The following CILK1 variants were observed in gnomAD, a reference collection of about 807,000 sequenced individuals.
CILK1 encodes the protein serine/threonine-protein kinase ICK.
In CILK1, 47 loss-of-function variants were observed where a neutral mutation model predicts 79.2. The ratio of observed to expected loss-of-function variants is 0.59; its 90% confidence interval spans 0.47 to 0.76. The LOEUF is 0.76. Among genes scored for constraint, CILK1 ranks in the 30% least tolerant of loss-of-function variants. CILK1 has a pLI of 0.00. For synonymous variants in CILK1, 266 were observed against 275.9 expected, an observed-to-expected ratio of 0.96 and a Z score of 0.36; for missense variants, 660 against 769.5, an observed-to-expected ratio of 0.86 and a Z score of 1.68.
rs1346816320 is a variant in CILK1, at chr6:53,002,591, G to C, written c.*2558C>G. 2.0e-5 allele frequency: 3 copies of C among 152,150 alleles called. No homozygotes were observed. The highest frequency in any genetic ancestry group is 4.4e-5 in the Non-Finnish European group (3 of 68,028). The allele number at this position is 152,150 out of a possible 1,614,324, so 9.4% of individuals were successfully genotyped here. On this transcript the variant is annotated 3_prime_UTR_variant, in exon 14 of 14. Coordinates refer to ENST00000676107, the MANE Select transcript of CILK1 (RefSeq NM_014920.5). Reference sequence around the variant, plus strand: ...GTGCATAGGTTTTTTTACACAATTTGTCCTTTACCCATTTCAGAGAAGGGG... The same window carrying C: ...GTGCATAGGTTTTTTTACACAATTTCTCCTTTACCCATTTCAGAGAAGGGG...
chr6:53,048,157 A>G (rs1298423654), intron 1 of CILK1, among the ~76,000 whole-genome samples: 2 of 152,160 alleles, frequency 1.3e-5, no homozygotes, highest in Non-Finnish European at 2.9e-5. Flanking sequence ...TAGTCCCATC[A>G]CATCCTTGGT....
At chr6:53,035,270 A>G (rs911966481) in intron 3 of CILK1, among the ~76,000 whole-genome samples, 6 of 152,184 alleles carry the variant, frequency 3.9e-5, no homozygotes, top group African/African-American at 1.4e-4. Flanking sequence ...TTTTTGGGTT[A>G]GAGAGAATGG....
At chr6:53,006,547 G>T in intron 12 of CILK1, 110 bp from the exon 13 acceptor site, 1 of 1,219,188 alleles carries the variant, frequency 8.2e-7, no homozygotes, top group Non-Finnish European at 1.2e-6. Context: ...TTTACTTTTA[G>T]GGAAAAGAGC....
intron 1 of CILK1, among the ~76,000 whole-genome samples, chr6:53,053,695 T>G (rs1767644585): frequency 6.6e-6 from 1 of 152,210 alleles, no homozygotes; most frequent in South Asian, 2.1e-4. Flanking sequence ...ACTTTGTATC[T>G]CAAAGCCCAA....
chr6:53,006,137 A>T (rs1225472160), intron 13 of CILK1, among the ~76,000 whole-genome samples, 178 bp downstream of exon 13: 1 of 152,182 alleles, frequency 6.6e-6, no homozygotes, highest in African/African-American at 2.4e-5. Flanking sequence ...CTTAGCACTA[A>T]GTCAGTAAGC....
chr6:53,030,152 G>T (rs1765840893), intron 5 of CILK1, among the ~76,000 whole-genome samples: 1 of 152,164 alleles, frequency 6.6e-6, no homozygotes. Flanking sequence ...TGTGGTCATC[G>T]TTCCTTTGGA....
At chr6:53,039,421 TG>T (rs1172703089) in intron 2 of CILK1, among the ~76,000 whole-genome samples, 9 of 152,176 alleles carry the variant, frequency 5.9e-5, no homozygotes, top group Non-Finnish European at 1.0e-4. Context: ...AAGCAGGGCC[TG>T]GGCAAGAACT....
intron 12 of CILK1, 102 bp downstream of exon 12, chr6:53,009,337 G>T: frequency 9.1e-7 from 1 of 1,100,342 alleles, no homozygotes; most frequent in South Asian, 1.2e-5. Context: ...GATGACAAAG[G>T]CCCCTGTGCT....
chr6:53,028,399 C>A (rs1765716647), intron 5 of CILK1, among the ~76,000 whole-genome samples: 1 of 152,202 alleles, frequency 6.6e-6, no homozygotes, highest in Admixed American at 6.5e-5. Context: ...TTTTTCTAAT[C>A]AAGCATGGCA....
chr6:53,001,356 T>C lies in CILK1; in HGVS notation c.*3793A>G, dbSNP rs986483234. 2 of 152,248 alleles carry C rather than the reference T, an allele frequency of 1.3e-5. No homozygotes were observed. The highest frequency in any genetic ancestry group is 2.9e-5 in the Non-Finnish European group (2 of 68,052). 9.4% of individuals were successfully genotyped at this position (152,248 alleles called of 1,614,324 possible). Reference sequence around the variant, plus strand: ...CCAGGAAATTTTTCCTTACATAAGGTTGACATGTTTTAAACACCTTAGGAC... The same window carrying C: ...CCAGGAAATTTTTCCTTACATAAGGCTGACATGTTTTAAACACCTTAGGAC... On this transcript the variant is annotated 3_prime_UTR_variant, in exon 14 of 14. Transcript: ENST00000676107.
At chr6:53,011,111 C>A (rs1764542972) in intron 11 of CILK1, among the ~76,000 whole-genome samples, 1 of 152,156 alleles carries the variant, frequency 6.6e-6, no homozygotes, top group South Asian at 2.1e-4. Context: ...TGACATTTAA[C>A]CCCCATAGTA....
At chr6:53,006,138 G>A (rs1426746152) in intron 13 of CILK1, among the ~76,000 whole-genome samples, 177 bp downstream of exon 13, 2 of 152,148 alleles carry the variant, frequency 1.3e-5, no homozygotes, top group Non-Finnish European at 2.9e-5. Flanking sequence ...TTAGCACTAA[G>A]TCAGTAAGCA....
chr6:53,025,069 G>C lies in CILK1; in HGVS notation c.359-5710C>G, dbSNP rs376986685. Among the ~76,000 whole-genome samples the C allele has an allele frequency of 7.2e-5, 11 of 152,200 alleles. No individual in the cohort carries two copies. The East Asian group carries it at 1.7e-3, about 24-fold the overall frequency. ...GCTGGTCTCCAACTCCTGGCCTCAA[G>C]TGATTCACCCGTCTCAGCCTCCCAA... On this transcript the variant is annotated intron_variant, in intron 5 of 13. Transcript: ENST00000676107.
At chr6:53,007,271 G>T (rs990996841) in intron 12 of CILK1, among the ~76,000 whole-genome samples, 5 of 152,218 alleles carry the variant, frequency 3.3e-5, no homozygotes, top group African/African-American at 1.2e-4. Context: ...GTTTAAGGCA[G>T]AGTGGAAACA....
In CILK1 at chr6:53,016,142, C is replaced by T; in HGVS notation, c.772G>A (p.Val258Ile). The T allele has an allele frequency of 6.2e-7, 1 of 1,614,124 alleles. No homozygotes were observed. The highest frequency in any genetic ancestry group is 8.5e-7 in the Non-Finnish European group (1 of 1,179,966). Residue 258 changes from valine to isoleucine, a missense_variant, in exon 8 of 14, where the codon GTC (valine) becomes ATC (isoleucine). Coordinates refer to ENST00000676107, the MANE Select transcript of CILK1 (RefSeq NM_014920.5). ...TGAAGCATGTCTCTCAGGAGCTGGA[C>T]TGCTTCACTGCTAGCATTGGGAATC... ...TLIPNASSEA[V>I]QLLRDMLQWD...
intron 1 of CILK1, among the ~76,000 whole-genome samples, chr6:53,054,136 C>T (rs114218391): frequency 2.1e-3 from 313 of 152,292 alleles, no homozygotes; most frequent in African/African-American, 7.2e-3. Context: ...CTCAGCCAGG[C>T]CCCAGTAAAC....
Position 53,018,311 on chromosome 6 carries a change from C to T in CILK1, c.663+19G>A. 1 of 1,613,548 alleles carries T rather than the reference C, an allele frequency of 6.2e-7. No homozygotes were observed. Among genetic ancestry groups the T allele is most frequent in the African/African-American group, 1.3e-5 (1 of 75,004 alleles). On this transcript the variant is annotated intron_variant, in intron 7 of 13. Coordinates refer to ENST00000676107, the MANE Select transcript of CILK1 (RefSeq NM_014920.5). ...AAGCTGTTGGCTTTGGCCCACTGGC[C>T]TTTGTTTTGTATCATTACCTTTTTT...
At position 53,059,044 on chromosome 6, in the gene CILK1, G is replaced by A. The variant is rs75979548; in HGVS notation, c.-173+2552C>T. Among the ~76,000 whole-genome samples the A allele has an allele frequency of 1.6e-4, 25 of 152,326 alleles. No homozygotes were observed. The East Asian group carries it at 4.8e-3, about 29-fold the overall frequency. On this transcript the variant is annotated intron_variant, in intron 1 of 13. Transcript: ENST00000676107. Reference sequence around the variant, plus strand: ...GCTCAAGCCATTTTAAGTAAGGGCAGGATAATACTTACTAAGGATTCACTG... The same window carrying A: ...GCTCAAGCCATTTTAAGTAAGGGCAAGATAATACTTACTAAGGATTCACTG...
At chr6:53,028,170 G>C (rs1453589193) in intron 5 of CILK1, among the ~76,000 whole-genome samples, 2 of 144,534 alleles carry the variant, frequency 1.4e-5, no homozygotes, top group African/African-American at 2.6e-5. Context: ...AAAAAAATTA[G>C]CCGGGCGTGG....
Sources: allele counts gnomAD v4.1 joint callset (sites outside exome capture counted in the v4.1 genomes callset), GRCh38; gene constraint gnomAD v4.1.1; transcripts MANE v1.5; gene names NCBI Gene and HGNC (gene_info 2026-07-23, HGNC 2026-07-21).